Variants in PAXIP1 observed in about 807,000 individuals in gnomAD.
PAXIP1 encodes PAX-interacting protein 1.
In PAXIP1, 19 loss-of-function variants were observed where a neutral mutation model predicts 140.6. That is an observed-to-expected ratio of 0.14 (90% confidence interval 0.09 to 0.20). The LOEUF (loss-of-function observed/expected upper bound fraction) is 0.20. PAXIP1 is among the 10% of genes least tolerant of loss of function. The pLI is 1.00. For missense variants in PAXIP1, 920 were observed against 1,208.6 expected, an observed-to-expected ratio of 0.76 and a Z score of 3.54; for synonymous variants, 442 against 444.6, an observed-to-expected ratio of 0.99 and a Z score of 0.07.
At chr7:154,990,628 G>C (rs1810286722) in intron 4 of PAXIP1, among the ~76,000 whole-genome samples, 1 of 152,054 alleles carries the variant, frequency 6.6e-6, no homozygotes, top group Non-Finnish European at 1.5e-5. Flanking sequence ...TTCTAAATTT[G>C]TTTCTCTGCC....
At chr7:154,969,848 A>T (rs999843658) in intron 6 of PAXIP1, among the ~76,000 whole-genome samples, 5 of 152,214 alleles carry the variant, frequency 3.3e-5, no homozygotes, top group Non-Finnish European at 7.3e-5. Context: ...CTAAGGACTC[A>T]TCATTAGAGC....
In PAXIP1 at chr7:154,946,620, G is replaced by A. The variant is rs765031748; in HGVS notation, c.3058-33C>T. On this transcript the variant is annotated intron_variant, in intron 18 of 20. Transcript: ENST00000404141. The surrounding 1 kb of genome is among the most constrained non-coding windows in gnomAD (Gnocchi z 4.9). ...AAAGAAAATGAGTTTCTCAGTGACC[G>A]AACGCTGAATGTGATACAGGGCAAT... The A allele has an allele frequency of 2.5e-5, 41 of 1,612,808 alleles. No homozygotes were observed. Among genetic ancestry groups the A allele is most frequent in the Non-Finnish European group, 3.2e-5 (38 of 1,179,132 alleles).
At chr7:154,979,015 C>G (rs1809724871) in intron 5 of PAXIP1, among the ~76,000 whole-genome samples, 1 of 152,192 alleles carries the variant, frequency 6.6e-6, no homozygotes, top group African/African-American at 2.4e-5. Flanking sequence ...ATATTTCACT[C>G]AAGTTTTCTC....
chr7:154,951,469 C>G (rs1355203058), intron 16 of PAXIP1: 1 of 152,044 alleles, frequency 6.6e-6, no homozygotes, highest in Non-Finnish European at 1.5e-5. Context: ...TAAAACTGCC[C>G]TAAAAATTGT....
Position 154,973,251 on chromosome 7 carries a change from C to G in PAXIP1, c.1074+2445G>C. 6.6e-6 allele frequency among the ~76,000 whole-genome samples: 1 copy of G among 152,114 alleles called. No homozygotes were observed. The highest frequency in any genetic ancestry group is 1.9e-4 in the East Asian group (1 of 5,178). On this transcript the variant is annotated intron_variant, in intron 6 of 20. Transcript: ENST00000404141. The surrounding 1 kb of genome is among the most constrained non-coding windows in gnomAD (Gnocchi z 4.0). Reference sequence around the variant, plus strand: ...CCAAGACCCATGGTCAGTGGCAGGCCTGTTTTCCTCCGGGACCCAACAAGG... The same window carrying G: ...CCAAGACCCATGGTCAGTGGCAGGCGTGTTTTCCTCCGGGACCCAACAAGG...
In PAXIP1 at chr7:154,983,330, C is replaced by T. The variant is rs754937791; in HGVS notation, c.327G>A (p.Val109=). The T allele has an allele frequency of 1.5e-5, 23 of 1,535,952 alleles. No homozygotes were observed. The highest frequency in any genetic ancestry group is 2.7e-5 in the African/African-American group (2 of 73,412). The change falls in exon 5 of 21, where the codon GTG becomes GTA. Residue 109 remains valine (V), a splice_region_variant and synonymous_variant. Transcript: ENST00000404141. The part of the protein sequence containing the change: ...FFGITACLSQ[V]SSEDRSALWA... The stretch of plus-strand genomic sequence containing the variant: ...ACAGGGCACTTCTGTCTTCAGATGA[C>T]ACCTGACAGAAAGTTAGAAAGAAGG...
intron 17 of PAXIP1, 82 bp downstream of exon 17, chr7:154,947,821 C>T: frequency 9.8e-7 from 1 of 1,019,006 alleles, no homozygotes. Flanking sequence ...GCGCACTTCC[C>T]ACCAAATCAC....
At chr7:154,998,924 T>G (rs1810762561) in intron 1 of PAXIP1, 140 bp from the exon 2 acceptor site, 4 of 725,272 alleles carry the variant, frequency 5.5e-6, no homozygotes, top group Admixed American at 5.6e-5. Flanking sequence ...AACAGCCTTT[T>G]ACTCTGAATA....
At chr7:154,947,849 C>G in intron 17 of PAXIP1, 54 bp downstream of exon 17, 4 of 1,237,826 alleles carry the variant, frequency 3.2e-6, no homozygotes, top group Non-Finnish European at 4.8e-6. Context: ...TTCCCTTGAG[C>G]AGGTCCGTGT....
At chr7:154,987,273 A>G (rs1476713185) in intron 4 of PAXIP1, among the ~76,000 whole-genome samples, 2 of 152,198 alleles carry the variant, frequency 1.3e-5, no homozygotes, top group African/African-American at 4.8e-5. Context: ...GTCACAGAAT[A>G]GGACTCAGGA....
At chr7:154,949,617 C>A (rs924966585) in intron 16 of PAXIP1, 3 of 152,132 alleles carry the variant, frequency 2.0e-5, no homozygotes, top group Non-Finnish European at 4.4e-5. Context: ...AGAGAAAACA[C>A]CACCGGGCGC....
At position 154,983,658 on chromosome 7, in the gene PAXIP1, G is replaced by C. The variant is rs192703940; in HGVS notation, c.325-326C>G. On this transcript the variant is annotated intron_variant, in intron 4 of 20. Coordinates refer to ENST00000404141, the MANE Select transcript of PAXIP1 (RefSeq NM_007349.4). ...AAAATAGTCAGGGGAAAAAAAGCAG[G>C]AAGAACTAGTATGCCATTCCAGTTT... 53 of 203,978 alleles carry C rather than the reference G, an allele frequency of 2.6e-4. 1 individual carries two copies. Among genetic ancestry groups the C allele is most frequent in the Admixed American group, 2.5e-3 (40 of 15,962 alleles). The allele number at this position is 203,978 out of a possible 1,614,324, so 12.6% of individuals were successfully genotyped here.
intron 1 of PAXIP1, among the ~76,000 whole-genome samples, chr7:154,999,110 G>A (rs377196775): frequency 1.3e-5 from 2 of 152,194 alleles, no homozygotes; most frequent in Non-Finnish European, 2.9e-5. Flanking sequence ...GTGGGGCCAC[G>A]CACATGGTGC....
At chr7:154,959,673 GC>G (rs1808673337) in intron 13 of PAXIP1, among the ~76,000 whole-genome samples, 1 of 152,120 alleles carries the variant, frequency 6.6e-6, no homozygotes, top group African/African-American at 2.4e-5. Flanking sequence ...CTGATCTGTA[GC>G]CCCAAGTAGG....
intron 2 of PAXIP1, among the ~76,000 whole-genome samples, chr7:154,997,244 TTTTC>T: frequency 6.6e-6 from 1 of 152,242 alleles, no homozygotes; most frequent in Non-Finnish European, 1.5e-5. Context: ...TTTTTTCCCT[TTTTC>T]TTTTTGTTTA....
At chr7:154,982,705 G>T (rs1227002044) in intron 5 of PAXIP1, among the ~76,000 whole-genome samples, 2 of 152,106 alleles carry the variant, frequency 1.3e-5, no homozygotes, top group Non-Finnish European at 2.9e-5. Context: ...CTGATCCAGG[G>T]GTCTTACTTG....
intron 2 of PAXIP1, 150 bp downstream of exon 2, chr7:154,998,500 T>C (rs938933314): frequency 1.0e-4 from 44 of 431,210 alleles, no homozygotes; most frequent in Non-Finnish European, 1.5e-4. Context: ...AGAGCGAGAT[T>C]CCAGCTCAAA....
chr7:154,990,266 C>G (rs1176610357), intron 4 of PAXIP1, among the ~76,000 whole-genome samples: 1 of 152,052 alleles, frequency 6.6e-6, no homozygotes, highest in African/African-American at 2.4e-5. Flanking sequence ...GTTTCAAACC[C>G]CTGACCTCAG....
intron 16 of PAXIP1, among the ~76,000 whole-genome samples, chr7:154,952,726 C>T (rs1808326657): frequency 6.6e-6 from 1 of 152,172 alleles, no homozygotes; most frequent in South Asian, 2.1e-4. Context: ...CGTGTTTACC[C>T]AGAGACTACA....
Sources: allele counts gnomAD v4.1 joint callset (sites outside exome capture counted in the v4.1 genomes callset), GRCh38; gene constraint gnomAD v4.1.1; non-coding constraint Gnocchi (gnomAD v3.1); transcripts MANE v1.5; gene names NCBI Gene and HGNC (gene_info 2026-07-23, HGNC 2026-07-21).